NRF1: variants seen among roughly 807,000 people sequenced by gnomAD.
The protein encoded by NRF1 is alpha palindromic-binding protein.
Under a neutral mutation model 58.5 loss-of-function variants are expected in NRF1, and 5 were observed. The observed-to-expected ratio is 0.09, with a 90% CI of 0.04 to 0.18. The LOEUF is 0.18. NRF1 is among the 10% of genes least tolerant of loss of function. The pLI, the probability that NRF1 is intolerant of heterozygous loss-of-function variation, is 1.00. For synonymous variants in NRF1, 224 were observed against 246.7 expected, an observed-to-expected ratio of 0.91 and a Z score of 0.86; for missense variants, 288 against 657.7, an observed-to-expected ratio of 0.44 and a Z score of 6.15.
chr7:129,618,639 A>C (rs1364421036), intron 1 of NRF1, among the ~76,000 whole-genome samples: 1 of 152,164 alleles, frequency 6.6e-6, no homozygotes, highest in Non-Finnish European at 1.5e-5. Context: ...AGGCTGTAGC[A>C]AGCTATGATA....
At chr7:129,664,985 A>G (rs1292606076) in intron 2 of NRF1, among the ~76,000 whole-genome samples, 2 of 152,338 alleles carry the variant, frequency 1.3e-5, no homozygotes, top group East Asian at 1.9e-4. Context: ...AATTTGAGAA[A>G]GCATTGGATG....
At chr7:129,723,095 G>T (rs1260301966) in intron 9 of NRF1, among the ~76,000 whole-genome samples, 3 of 152,056 alleles carry the variant, frequency 2.0e-5, no homozygotes, top group Non-Finnish European at 4.4e-5. Flanking sequence ...TGTAAAATTG[G>T]CTGGTCATAT....
chr7:129,641,383 G>A (rs1801285659), intron 1 of NRF1, among the ~76,000 whole-genome samples: 1 of 152,054 alleles, frequency 6.6e-6, no homozygotes, highest in African/African-American at 2.4e-5. Context: ...TTTGGAAAAT[G>A]GGATTGTAAA....
rs74482700 is a variant in NRF1 at position 129,693,383 on chromosome 7, C to G, written c.606+2837C>G. On this transcript the variant is annotated intron_variant, in intron 5 of 10. Transcript: ENST00000393232. ...TTGGATTCATAGCCCTTTCTGTGGA[C>G]ACTGGAAGGATCTCTAAATAGTGGT... Among the ~76,000 whole-genome samples the G allele has an allele frequency of 3.0e-4, 46 of 152,262 alleles. No homozygotes were observed. In the East Asian group the frequency reaches 4.6e-3, roughly 15 times the overall value.
intron 5 of NRF1, among the ~76,000 whole-genome samples, chr7:129,692,183 A>T (rs1179551484): frequency 6.6e-6 from 1 of 152,100 alleles, no homozygotes; most frequent in Non-Finnish European, 1.5e-5. Flanking sequence ...TCAGCACCCA[A>T]GTCCAAGCCT....
At chr7:129,619,429 TATATAC>T (rs1187983684) in intron 1 of NRF1, among the ~76,000 whole-genome samples, 52 of 75,150 alleles carry the variant, frequency 6.9e-4, no homozygotes, top group Admixed American at 1.4e-3. Context: ...TATATATATA[TATATAC>T]ACACACACAC....
rs3800598 is a variant in NRF1, at chr7:129,714,381, G to A, written c.1065+2805G>A. Among the ~76,000 whole-genome samples, 437 of 152,348 alleles carry A rather than the reference G, an allele frequency of 2.9e-3. 13 individuals are homozygous for A. The East Asian group carries it at 0.072, about 25-fold the overall frequency. ...CTCACTGGGCCAAACTCAAGTGAGA[G>A]CAGCAGCATGGGCCAGACTGAAATA... is the stretch of plus-strand genomic sequence containing the variant. On this transcript the variant is annotated intron_variant, in intron 8 of 10. Transcript: ENST00000393232.
chr7:129,663,292 C>T (rs1372797839), intron 2 of NRF1, among the ~76,000 whole-genome samples: 2 of 152,190 alleles, frequency 1.3e-5, no homozygotes, highest in Admixed American at 1.3e-4. Context: ...GGGTACACTT[C>T]CCAGACGGGG....
intron 10 of NRF1, among the ~76,000 whole-genome samples, chr7:129,750,842 C>T (rs1445134060): frequency 6.6e-6 from 1 of 152,180 alleles, no homozygotes; most frequent in African/African-American, 2.4e-5. Context: ...TGTTCCAGAA[C>T]AGCCTCATCA....
intron 1 of NRF1, among the ~76,000 whole-genome samples, chr7:129,612,630 C>G (rs2151050720): frequency 6.6e-6 from 1 of 152,304 alleles, no homozygotes; most frequent in African/African-American, 2.4e-5. Flanking sequence ...TGGTGGTCCC[C>G]TGGGTGAGGG....
At chr7:129,657,904 C>A (rs1382487591) in intron 2 of NRF1, among the ~76,000 whole-genome samples, 1 of 152,148 alleles carries the variant, frequency 6.6e-6, no homozygotes, top group African/African-American at 2.4e-5. Flanking sequence ...AGTTACTATG[C>A]CTGGCCTTTA....
At chr7:129,649,864 T>C (rs1459892368) in intron 1 of NRF1, among the ~76,000 whole-genome samples, 1 of 152,182 alleles carries the variant, frequency 6.6e-6, no homozygotes, top group East Asian at 1.9e-4. Flanking sequence ...AGCAATCCTC[T>C]TGCCTTAGCC....
At chr7:129,652,877 C>G (rs1025795892) in intron 1 of NRF1, among the ~76,000 whole-genome samples, 4 of 152,188 alleles carry the variant, frequency 2.6e-5, no homozygotes, top group African/African-American at 9.7e-5. Flanking sequence ...CAGGCGTGAG[C>G]CACCGCGCCC....
At chr7:129,634,041 A>AAAAAAAAAATAT (rs1163693215) in intron 1 of NRF1, among the ~76,000 whole-genome samples, 11 of 113,806 alleles carry the variant, frequency 9.7e-5, no homozygotes, top group African/African-American at 4.1e-4. Flanking sequence ...AAAAAAAAAA[A>AAAAAAAAAATAT]AGATATATAT....
At chr7:129,745,439 G>C (rs1803951590) in intron 10 of NRF1, among the ~76,000 whole-genome samples, 1 of 151,962 alleles carries the variant, frequency 6.6e-6, no homozygotes, top group African/African-American at 2.4e-5. Flanking sequence ...ATTCTCATAG[G>C]AGCACGAACC....
chr7:129,646,506 G>A (rs759337720), intron 1 of NRF1, among the ~76,000 whole-genome samples: 3 of 152,118 alleles, frequency 2.0e-5, no homozygotes, highest in Non-Finnish European at 4.4e-5. Flanking sequence ...AGGTTTGGGG[G>A]AACAGAAGAG....
chr7:129,751,841 G>T (rs375524500), intron 10 of NRF1, among the ~76,000 whole-genome samples: 6 of 152,212 alleles, frequency 3.9e-5, no homozygotes, highest in Non-Finnish European at 7.3e-5. Flanking sequence ...GGGTGATTTC[G>T]TTAACTTTGC....
At chr7:129,708,925 G>A (rs1395249163) in intron 5 of NRF1, 150 bp from the exon 6 acceptor site, 3 of 562,990 alleles carry the variant, frequency 5.3e-6, no homozygotes, top group Non-Finnish European at 8.6e-6. Context: ...AGGAACCTAT[G>A]GAAAACAGTG....
intron 9 of NRF1, among the ~76,000 whole-genome samples, chr7:129,717,779 G>A (rs1330798139): frequency 6.6e-6 from 1 of 152,152 alleles, no homozygotes; most frequent in Non-Finnish European, 1.5e-5. Flanking sequence ...AAGCCTTCCC[G>A]TTTATCCTAT....
Sources: allele counts gnomAD v4.1 joint callset (sites outside exome capture counted in the v4.1 genomes callset), GRCh38; gene constraint gnomAD v4.1.1; transcripts MANE v1.5; gene names NCBI Gene and HGNC (gene_info 2026-07-23, HGNC 2026-07-21).